The following MAP3K14 variants were observed in gnomAD, a reference collection of about 807,000 sequenced individuals.
MAP3K14 encodes mitogen-activated protein kinase kinase kinase 14, also known as NF-kappa-beta-inducing kinase.
MAP3K14 carries 16 observed loss-of-function variants against 99.2 expected under a neutral mutation model. The observed-to-expected ratio is 0.16, with a 90% CI of 0.11 to 0.24. The LOEUF (loss-of-function observed/expected upper bound fraction) is 0.24, where lower values mean the gene tolerates loss of function less well. Ranked by LOEUF, MAP3K14 falls within the 10% of genes least tolerant of loss-of-function variation. The probability of loss-of-function intolerance (pLI) is 1.00; values close to 1 mark genes in which losing one functional copy is unlikely to be tolerated. For synonymous variants in MAP3K14, 462 were observed against 492.4 expected, an observed-to-expected ratio of 0.94 and a Z score of 0.82; for missense variants, 784 against 1,208.7, an observed-to-expected ratio of 0.65 and a Z score of 5.21.
At chr17:45,275,338 C>T (rs1035694810) in intron 6 of MAP3K14, among the ~76,000 whole-genome samples, 4 of 150,764 alleles carry the variant, frequency 2.7e-5, no homozygotes, top group Admixed American at 6.6e-5. Flanking sequence ...TGTGGTGGCA[C>T]GTGGCTGTAA....
rs59117060 is a variant in MAP3K14 at position 45,310,027 on chromosome 17, CTTTTTTTTTTT to C, written c.-21+6922_-21+6932del. ...AACTCCCTTGGCCAAAGGAGTCCAT[CTTTTTTTTTTT>C]TTTTTTTTTTTTTGAGACGGAGTTT... On this transcript the variant is annotated intron_variant, in intron 1 of 15. Coordinates refer to ENST00000344686, the MANE Select transcript of MAP3K14 (RefSeq NM_003954.5). Among the ~76,000 whole-genome samples, 6 of 98,832 alleles carry C rather than the reference CTTTTTTTTTTT, an allele frequency of 6.1e-5. No homozygotes were observed. In the South Asian group the frequency reaches 1.0e-3, roughly 17 times the overall value. The allele number at this position is 98,832 out of a possible 152,430, so 64.8% of individuals were successfully genotyped here. A position where few individuals can be genotyped will look rare whatever the true frequency, so the allele number is the denominator to read the frequency against.
At chr17:45,264,846 C>T (rs764185210) in intron 15 of MAP3K14, 46 bp from the exon 16 acceptor site, 7 of 1,587,738 alleles carry the variant, frequency 4.4e-6, no homozygotes, top group South Asian at 3.4e-5. Context: ...GCATAGGGCT[C>T]AAGCCATGTA....
intron 2 of MAP3K14, among the ~76,000 whole-genome samples, chr17:45,290,262 C>T (rs941305750): frequency 6.6e-6 from 1 of 152,208 alleles, no homozygotes; most frequent in Non-Finnish European, 1.5e-5. Flanking sequence ...CCTCTCTTCC[C>T]CTGCTCCAGT....
chr17:45,304,198 T>C (rs552056140), intron 1 of MAP3K14, among the ~76,000 whole-genome samples: 1 of 152,078 alleles, frequency 6.6e-6, no homozygotes, highest in South Asian at 2.1e-4. Flanking sequence ...GAGACGGGGT[T>C]TCACCATGTT....
rs2044082161 is a variant in MAP3K14, at chr17:45,266,345, A to C, written c.2578+192T>G. 8.5e-6 allele frequency: 5 copies of C among 589,156 alleles called. No individual in the cohort carries two copies. In the South Asian group the frequency reaches 1.4e-4, roughly 17 times the overall value. The allele number at this position is 589,156 out of a possible 1,614,324, so 36.5% of individuals were successfully genotyped here. A position where few individuals can be genotyped will look rare whatever the true frequency, so the allele number is the denominator to read the frequency against. On this transcript the variant is annotated intron_variant, in intron 14 of 15. Coordinates refer to ENST00000344686, the MANE Select transcript of MAP3K14 (RefSeq NM_003954.5). ...AATGGTCCCTCACTGCCCCATCAGG[A>C]AAGGCTCATGGGTGATTGGGACCTT...
Position 45,263,739 on chromosome 17 carries a change from G to C in MAP3K14, c.*897C>G, listed in dbSNP as rs1009197515. 6.5e-6 allele frequency: 1 copy of C among 152,690 alleles called. No homozygotes were observed. Among genetic ancestry groups the C allele is most frequent in the East Asian group, 1.9e-4 (1 of 5,198 alleles). The allele number at this position is 152,690 out of a possible 1,614,324, so 9.5% of individuals were successfully genotyped here. On this transcript the variant is annotated 3_prime_UTR_variant, in exon 16 of 16. Transcript: ENST00000344686. ...ACACTGATAGTGGGGCTGGGGCGCC[G>C]GAGCGTCTCTCTCTGCTGCTTTCCT...
At chr17:45,295,628 C>T (rs1169022880) in intron 1 of MAP3K14, among the ~76,000 whole-genome samples, 3 of 152,208 alleles carry the variant, frequency 2.0e-5, no homozygotes, top group Non-Finnish European at 4.4e-5. Flanking sequence ...CCAAAAGTTA[C>T]GCAGTTGCAG....
At position 45,263,727 on chromosome 17, in the gene MAP3K14, G is replaced by GTCCA. The variant is rs2044040500; in HGVS notation, c.*908_*909insTGGA. On this transcript the variant is annotated 3_prime_UTR_variant, in exon 16 of 16. Coordinates refer to ENST00000344686, the MANE Select transcript of MAP3K14 (RefSeq NM_003954.5). ...CCAGCACGCTGGACACTGATAGTGG[G>GTCCA]GCTGGGGCGCCGGAGCGTCTCTCTC... 2 of 152,662 alleles carry GTCCA rather than the reference G, an allele frequency of 1.3e-5. No homozygotes were observed. The highest frequency in any genetic ancestry group is 2.9e-5 in the Non-Finnish European group (2 of 68,184). The allele number at this position is 152,662 out of a possible 1,614,324, so 9.5% of individuals were successfully genotyped here. A position where few individuals can be genotyped will look rare whatever the true frequency, so the allele number is the denominator to read the frequency against.
In MAP3K14 at chr17:45,286,355, G is replaced by T; in HGVS notation, c.1152+76C>A. Reference sequence around the variant, plus strand: ...TTGATTTGTCACCACAGGCAAGAGTGACTCTGATAAAGAGAGAAAAGCATC... The same window carrying T: ...TTGATTTGTCACCACAGGCAAGAGTTACTCTGATAAAGAGAGAAAAGCATC... On this transcript the variant is annotated intron_variant, in intron 5 of 15. Transcript: ENST00000344686. The surrounding 1 kb of genome is among the most constrained non-coding windows in gnomAD (Gnocchi z 4.1). 6.9e-7 allele frequency: 1 copy of T among 1,450,612 alleles called. No homozygotes were observed. Among genetic ancestry groups the T allele is most frequent in the South Asian group, 1.4e-5 (1 of 69,184 alleles). The allele number at this position is 1,450,612 out of a possible 1,614,324, so 89.9% of individuals were successfully genotyped here. A position where few individuals can be genotyped will look rare whatever the true frequency, so the allele number is the denominator to read the frequency against.
At chr17:45,274,416 G>A (rs776600098) in intron 7 of MAP3K14, 48 bp downstream of exon 7, 3 of 1,608,736 alleles carry the variant, frequency 1.9e-6, no homozygotes, top group Non-Finnish European at 2.5e-6. Flanking sequence ...ACTCAGGGGG[G>A]AACTCTTGGC....
intron 1 of MAP3K14, among the ~76,000 whole-genome samples, chr17:45,295,480 G>A (rs533287873): frequency 6.6e-6 from 1 of 152,258 alleles, no homozygotes; most frequent in Admixed American, 6.5e-5. Context: ...CTAGTTCTGA[G>A]AATGTAGCCC....
At chr17:45,280,911 G>A (rs1008286817) in intron 6 of MAP3K14, among the ~76,000 whole-genome samples, 5 of 152,042 alleles carry the variant, frequency 3.3e-5, no homozygotes, top group Non-Finnish European at 7.4e-5. Context: ...GCGCCTGGCC[G>A]ACAAACACTC....
Position 45,286,603 on chromosome 17 carries a change from G to A in MAP3K14, c.980C>T (p.Ala327Val). 6 of 1,611,306 alleles carry A rather than the reference G, an allele frequency of 3.7e-6. No homozygotes were observed. The highest frequency in any genetic ancestry group is 4.2e-6 in the Non-Finnish European group (5 of 1,178,894). ...HLEPSCLSRG[A>V]HEKFSVEEYL... ...TTCCTCCACAGAAAACTTCTCATGG[G>A]CACCACGAGACAGGCAGCTGGGCTC... Residue 327 changes from alanine to valine, a missense_variant, in exon 5 of 16, where the codon GCC becomes GTC. Ala to Val is a moderately conservative substitution (Grantham distance 64). Coordinates refer to ENST00000344686, the MANE Select transcript of MAP3K14 (RefSeq NM_003954.5). The surrounding 1 kb of genome is among the most constrained non-coding windows in gnomAD (Gnocchi z 4.1).
chr17:45,316,665 T>G (rs377466516), intron 1 of MAP3K14, among the ~76,000 whole-genome samples: 2 of 151,824 alleles, frequency 1.3e-5, no homozygotes, highest in African/African-American at 4.8e-5. Context: ...GGGGCACTAG[T>G]GAAGGGGAAG....
chr17:45,270,535 TC>T lies in MAP3K14; in HGVS notation c.1849del (p.Glu617ArgfsTer18). On this transcript the variant is annotated frameshift_variant, in exon 11 of 16. Coordinates refer to ENST00000344686, the MANE Select transcript of MAP3K14 (RefSeq NM_003954.5). LOFTEE classifies it high-confidence loss of function. The stretch of plus-strand genomic sequence containing the variant: ...GAGAGGGGCGCAGGAGGGTGGGATC[TC>T]CCTCACAGGCGGAGGCTCGCTGGCA... ...KIASEPPPVR[E>X]IPPSCAPLTA... 1 of 1,573,402 alleles carries T rather than the reference TC, an allele frequency of 6.4e-7. No individual in the cohort carries two copies. The highest frequency in any genetic ancestry group is 1.8e-4 in the Middle Eastern group (1 of 5,418).
chr17:45,309,624 C>T (rs1032862674), intron 1 of MAP3K14, among the ~76,000 whole-genome samples: 3 of 152,178 alleles, frequency 2.0e-5, no homozygotes, highest in African/African-American at 4.8e-5. Flanking sequence ...GACAGGGACA[C>T]GTGTCCACAC....
At chr17:45,315,904 C>G (rs1351990995) in intron 1 of MAP3K14, among the ~76,000 whole-genome samples, 1 of 152,198 alleles carries the variant, frequency 6.6e-6, no homozygotes, top group Non-Finnish European at 1.5e-5. Flanking sequence ...TGTTAAGATA[C>G]TGTCTCCTTC....
In MAP3K14 at chr17:45,284,803, C is replaced by T. The variant is rs1423062276; in HGVS notation, c.1290+9G>A. On this transcript the variant is annotated intron_variant, in intron 6 of 15. Transcript: ENST00000344686. ...TCCCTCTTCACTCAGCCCCTGAGCC[C>T]TGGCGTACCTTTTTGACAGCGCACT... 6.3e-7 allele frequency: 1 copy of T among 1,589,238 alleles called. No individual in the cohort carries two copies. The highest frequency in any genetic ancestry group is 8.6e-7 in the Non-Finnish European group (1 of 1,168,214).
At chr17:45,305,793 G>T (rs1428288910) in intron 1 of MAP3K14, among the ~76,000 whole-genome samples, 1 of 152,198 alleles carries the variant, frequency 6.6e-6, no homozygotes, top group Non-Finnish European at 1.5e-5. Context: ...AGAAAGTCTG[G>T]AACAGATGTG....
Sources: gnomAD v4.1 joint callset for allele counts (sites outside exome capture counted in the v4.1 genomes callset) on GRCh38, gnomAD v4.1.1 for gene constraint, Gnocchi (gnomAD v3.1) non-coding constraint, MANE v1.5 for transcripts, NCBI Gene and HGNC (gene_info 2026-07-23, HGNC 2026-07-21) for gene names.